FRMPD4: variants seen among roughly 807,000 people sequenced by gnomAD.
FRMPD4 encodes FERM and PDZ domain-containing protein 4.
A neutral mutation model predicts 94.1 loss-of-function variants in FRMPD4; 22 were observed. The ratio of observed to expected loss-of-function variants is 0.23; its 90% CI spans 0.17 to 0.33. The LOEUF (loss-of-function observed/expected upper bound fraction) is 0.33. FRMPD4 is among the 10% of genes least tolerant of loss of function. FRMPD4 has a pLI of 1.00. For missense variants in FRMPD4, 1,111 were observed against 1,339.9 expected, an observed-to-expected ratio of 0.83 and a Z score of 2.67; for synonymous variants, 631 against 548.6, an observed-to-expected ratio of 1.15 and a Z score of -2.10.
chrX:12,366,898 G>A (rs968475454), intron 1 of FRMPD4, among the ~76,000 whole-genome samples: 3 of 111,556 alleles, frequency 2.7e-5, no homozygotes, highest in African/African-American at 9.8e-5. Flanking sequence ...GACCAGGGTA[G>A]AGGGGTACCA....
chrX:12,099,987 T>C (rs1165867874), intron 3 of FRMPD4, among the ~76,000 whole-genome samples: 1 of 112,104 alleles, frequency 8.9e-6, no homozygotes, highest in African/African-American at 3.2e-5. Flanking sequence ...TAAATAAAGT[T>C]TTACTGGGAC....
In FRMPD4 at chrX:11,827,587, C is replaced by T. The variant is rs145716486; in HGVS notation, c.-161+4872C>T. 8.4e-3 allele frequency among the ~76,000 whole-genome samples: 930 copies of T among 111,315 alleles called. 4 individuals carry two copies. The highest frequency in any genetic ancestry group is 0.013 in the Non-Finnish European group (667 of 53,042). On this transcript the variant is annotated intron_variant, in intron 1 of 18. Transcript: ENST00000640291. ...AGTCCATATTTAATGAAGAATTTGT[C>T]TGTTCGTACTTCCAATCACAACTGG...
rs755493948 is a variant in FRMPD4 at position 11,827,921 on chromosome X, T to C, written c.-161+5206T>C. On this transcript the variant is annotated intron_variant, in intron 1 of 18. Transcript: ENST00000640291. ...GGGTTGTTCTGATGGCAACATGATA[T>C]AAACAGGGACCAATGCTCCTTTGGC... 1.7e-4 allele frequency among the ~76,000 whole-genome samples: 19 copies of C among 112,004 alleles called. No homozygotes were observed. The South Asian group carries it at 6.4e-3, about 38-fold the overall frequency.
intron 1 of FRMPD4, among the ~76,000 whole-genome samples, chrX:12,254,847 A>C (rs780572602): frequency 6.1e-4 from 68 of 111,053 alleles, no homozygotes; most frequent in Non-Finnish European, 5.7e-4. Context: ...CCTTTCTTTT[A>C]CTATTTTTTT....
At chrX:12,388,975 CAT>C (rs1215991913) in intron 1 of FRMPD4, among the ~76,000 whole-genome samples, 1 of 107,145 alleles carries the variant, frequency 9.3e-6, no homozygotes, top group East Asian at 2.9e-4. Context: ...ACAAATACCA[CAT>C]GTTGTCACTT....
intron 1 of FRMPD4, among the ~76,000 whole-genome samples, chrX:12,414,147 T>C (rs1375226301): frequency 8.9e-6 from 1 of 112,658 alleles, no homozygotes; most frequent in Non-Finnish European, 1.9e-5. Context: ...GATCATTTAA[T>C]ATGCATTGCT....
At chrX:12,026,224 GA>G (rs1202519321) in intron 3 of FRMPD4, among the ~76,000 whole-genome samples, 2 of 111,519 alleles carry the variant, frequency 1.8e-5, no homozygotes, top group African/African-American at 6.5e-5. Flanking sequence ...TCTTTAGACA[GA>G]ATCCTTAGGG....
At chrX:12,527,797 A>G (rs1045291565) in intron 2 of FRMPD4, among the ~76,000 whole-genome samples, 2 of 112,137 alleles carry the variant, frequency 1.8e-5, no homozygotes, top group Admixed American at 1.9e-4. Context: ...AAACTTTCTT[A>G]CAGAGATGGG....
chrX:12,326,575 G>A (rs769065990), intron 1 of FRMPD4, among the ~76,000 whole-genome samples: 26 of 111,996 alleles, frequency 2.3e-4, no homozygotes, highest in African/African-American at 7.5e-4. Context: ...TCCTAGGGGT[G>A]CTGAGAAATC....
At chrX:12,678,396 T>C (rs146736675) in intron 5 of FRMPD4, among the ~76,000 whole-genome samples, 1,203 of 112,772 alleles carry the variant, frequency 0.011, 15 homozygotes, top group African/African-American at 0.037. Context: ...TACCGTCTTC[T>C]TTCCTTGTAC....
intron 4 of FRMPD4, among the ~76,000 whole-genome samples, chrX:12,627,093 T>C (rs1026342479): frequency 9.1e-6 from 1 of 110,489 alleles, no homozygotes; most frequent in Admixed American, 9.6e-5. Context: ...CTGGCCAACA[T>C]AGTGAAACCC....
At chrX:12,575,302 A>G (rs1051112900) in intron 2 of FRMPD4, among the ~76,000 whole-genome samples, 15 of 98,587 alleles carry the variant, frequency 1.5e-4, no homozygotes, top group Admixed American at 1.5e-3. Flanking sequence ...ATTCACATTT[A>G]TAAGTAAAGG....
chrX:11,959,561 A>T (rs1601857399), intron 3 of FRMPD4, among the ~76,000 whole-genome samples: 1 of 112,141 alleles, frequency 8.9e-6, no homozygotes, highest in Admixed American at 9.4e-5. Context: ...GAACCATTCC[A>T]TAATGGGAGG....
rs1284482574 is a variant in FRMPD4, at chrX:12,420,318, C to T, written c.42-78362C>T. Among the ~76,000 whole-genome samples, 4 of 112,229 alleles carry T rather than the reference C, an allele frequency of 3.6e-5. No homozygotes were observed. The East Asian group carries it at 1.1e-3, about 31-fold the overall frequency. Reference sequence around the variant, plus strand: ...CTCTAACTTCTAACACTGTCCCACCCGGGCCTCCATTGTCTCTACTAATGG... The same window carrying T: ...CTCTAACTTCTAACACTGTCCCACCTGGGCCTCCATTGTCTCTACTAATGG... On this transcript the variant is annotated intron_variant, in intron 1 of 16. Transcript: ENST00000675598.
intron 1 of FRMPD4, among the ~76,000 whole-genome samples, chrX:12,145,653 T>C (rs2055754032): frequency 8.8e-6 from 1 of 113,132 alleles, no homozygotes; most frequent in African/African-American, 3.2e-5. Flanking sequence ...TTTGTTTGTA[T>C]ACTGTGGCTG....
chrX:12,529,867 G>C (rs2058266040), intron 2 of FRMPD4, among the ~76,000 whole-genome samples: 1 of 104,890 alleles, frequency 9.5e-6, no homozygotes, highest in Non-Finnish European at 2.0e-5. Flanking sequence ...CCCATTTCCT[G>C]GTTCAGAGAT....
At chrX:12,560,005 G>A (rs1292793448) in intron 2 of FRMPD4, among the ~76,000 whole-genome samples, 1 of 69,763 alleles carries the variant, frequency 1.4e-5, no homozygotes, top group Admixed American at 1.5e-4. Context: ...TCAGATAGAT[G>A]ATTTATTGAG....
At chrX:12,655,374 G>A (rs2059643051) in intron 4 of FRMPD4, among the ~76,000 whole-genome samples, 1 of 111,347 alleles carries the variant, frequency 9.0e-6, no homozygotes, top group Admixed American at 9.6e-5. Context: ...TAATTCAGCT[G>A]GCAGAACTGT....
intron 1 of FRMPD4, among the ~76,000 whole-genome samples, chrX:12,442,379 A>T: frequency 9.0e-6 from 1 of 111,297 alleles, no homozygotes. Context: ...AGAAGAAATA[A>T]GTACAGAGAA....
Sources: allele counts gnomAD v4.1 joint callset (sites outside exome capture counted in the v4.1 genomes callset), GRCh38; gene constraint gnomAD v4.1.1; transcripts MANE v1.5; gene names NCBI Gene and HGNC (gene_info 2026-07-23, HGNC 2026-07-21).